Variants in NT5C3B observed in about 807,000 individuals in gnomAD.
NT5C3B encodes the protein 7-methylguanosine phosphate-specific 5'-nucleotidase.
A neutral mutation model predicts 32.5 loss-of-function variants in NT5C3B; 28 were observed. The ratio of observed to expected loss-of-function variants is 0.86; its 90% CI spans 0.64 to 1.18. NT5C3B has a LOEUF of 1.18. Among genes scored for constraint, NT5C3B ranks in the 50% most tolerant of loss-of-function variants. The probability of loss-of-function intolerance (pLI) is 0.00; values close to 1 mark genes in which losing one functional copy is unlikely to be tolerated. For missense variants in NT5C3B, 317 were observed against 322.0 expected, an observed-to-expected ratio of 0.98 and a Z score of 0.12; for synonymous variants, 138 against 118.0, an observed-to-expected ratio of 1.17 and a Z score of -1.10.
intron 4 of NT5C3B, among the ~76,000 whole-genome samples, chr17:41,834,390 A>AT (rs1555619486): frequency 1.2e-4 from 11 of 93,626 alleles, no homozygotes; most frequent in Non-Finnish European, 1.5e-4. Flanking sequence ...TCAAAAAAAA[A>AT]AATACACACA....
chr17:41,835,762 G>A, intron 2 of NT5C3B, 97 bp downstream of exon 2: 1 of 1,222,456 alleles, frequency 8.2e-7, no homozygotes, highest in Non-Finnish European at 1.2e-6. Flanking sequence ...AGAGAGCTAG[G>A]AGGGGTCCGC....
chr17:41,834,087 G>A (rs2048098208), intron 4 of NT5C3B, among the ~76,000 whole-genome samples: 1 of 151,972 alleles, frequency 6.6e-6, no homozygotes, highest in Non-Finnish European at 1.5e-5. Context: ...GTGTTTTTTT[G>A]GAGTGAGAAC....
intron 8 of NT5C3B, among the ~76,000 whole-genome samples, chr17:41,826,155 C>CAAAA (rs1206509838): frequency 7.5e-6 from 1 of 132,658 alleles, no homozygotes. Flanking sequence ...GGCCCTGTCT[C>CAAAA]AAAAAAAAAA....
Position 41,827,616 on chromosome 17 carries a change from T to C in NT5C3B, c.578A>G (p.Gln193Arg). ...YMDFNEDGFL[Q>R]GFKGQLIHTY... ...GTGTATGAGCTGGCCCTTAAATCCC[T>C]GGAGAAAACCCTAAATAATGAAGAC... is the stretch of plus-strand genomic sequence containing the variant. The change falls in exon 8 of 9, where the codon CAG becomes CGG. Residue 193 changes from glutamine (Q) to arginine (R), a missense_variant. Physicochemically the swap from Gln to Arg is conservative, Grantham distance 43. Coordinates refer to ENST00000435506, the MANE Select transcript of NT5C3B (RefSeq NM_052935.5). 1.2e-6 allele frequency: 1 copy of C among 859,448 alleles called. No homozygotes were observed. The highest frequency in any genetic ancestry group is 1.6e-5 in the African/African-American group (1 of 61,286). The allele number at this position is 859,448 out of a possible 1,614,324, so 53.2% of individuals were successfully genotyped here.
intron 7 of NT5C3B, 161 bp downstream of exon 7, chr17:41,828,629 G>T (rs1485516861): frequency 6.2e-6 from 4 of 642,490 alleles, no homozygotes; most frequent in South Asian, 4.4e-5. Context: ...GAGCCACCGC[G>T]CCTGGCCAAA....
chr17:41,834,471 T>C (rs2048109447), intron 4 of NT5C3B, among the ~76,000 whole-genome samples: 1 of 150,708 alleles, frequency 6.6e-6, no homozygotes, highest in African/African-American at 2.4e-5. Context: ...AAAGGCCAGG[T>C]GTGGTAGCTC....
chr17:41,835,949 G>C lies in NT5C3B; in HGVS notation c.21C>G (p.Thr7=). 6.3e-7 allele frequency: 1 copy of C among 1,591,162 alleles called. No individual in the cohort carries two copies. Among genetic ancestry groups the C allele is most frequent in the Admixed American group, 1.8e-5 (1 of 57,006 alleles). The change falls in exon 2 of 9, where the codon ACC becomes ACG. Residue 7 remains threonine (T), a synonymous_variant. Transcript: ENST00000435506. ...GCATCAGGACCGTGGCCTTCATCAG[G>C]GTGCTCACCTGTCCCGAGACCCGAG... MAEEVS[T]LMKATVLMRQ...
At chr17:41,827,306 AAT>A (rs2047983448) in intron 8 of NT5C3B, 118 bp downstream of exon 8, 3 of 455,582 alleles carry the variant, frequency 6.6e-6, no homozygotes, top group African/African-American at 4.1e-5. Flanking sequence ...CTCAAAAAAA[AAT>A]AAAATAAAAT....
chr17:41,835,179 A>G, intron 3 of NT5C3B, 24 bp downstream of exon 3: 1 of 1,613,594 alleles, frequency 6.2e-7, no homozygotes, highest in African/African-American at 1.3e-5. Flanking sequence ...CAAGCTCAAC[A>G]AGGGAAGCTA....
chr17:41,835,190 G>C lies in NT5C3B; in HGVS notation c.181+13C>G. On this transcript the variant is annotated intron_variant, in intron 3 of 8. Transcript: ENST00000435506. Reference sequence around the variant, plus strand: ...TTGTCAAGCTCAACAAGGGAAGCTAGAATGTGACTTACTGTAAGAAGAAGG... The same window carrying C: ...TTGTCAAGCTCAACAAGGGAAGCTACAATGTGACTTACTGTAAGAAGAAGG... 6.2e-7 allele frequency: 1 copy of C among 1,613,784 alleles called. No homozygotes were observed. The highest frequency in any genetic ancestry group is 8.5e-7 in the Non-Finnish European group (1 of 1,179,680).
chr17:41,829,010 C>T, intron 6 of NT5C3B, 58 bp from the exon 7 acceptor site: 4 of 1,518,038 alleles, frequency 2.6e-6, no homozygotes, highest in Non-Finnish European at 3.6e-6. Flanking sequence ...TTCTTTGTTT[C>T]CTATTTGGGT....
chr17:41,836,002 G>GGCCCGAGGGGA, intron 1 of NT5C3B, 45 bp from the exon 2 acceptor site: 1 of 1,490,772 alleles, frequency 6.7e-7, no homozygotes, highest in Non-Finnish European at 9.0e-7. Flanking sequence ...CGCCACGCTG[G>GGCCCGAGGGGA]GCCCGAGGGG....
At chr17:41,836,022 C>T (rs2048149809) in intron 1 of NT5C3B, 65 bp from the exon 2 acceptor site, 2 of 1,454,726 alleles carry the variant, frequency 1.4e-6, no homozygotes, top group Non-Finnish European at 1.8e-6. Flanking sequence ...GAGCCCGGGG[C>T]TCGCTCGGGC....
chr17:41,832,328 T>C (rs1280929357), intron 5 of NT5C3B, 64 bp downstream of exon 5: 31 of 1,381,042 alleles, frequency 2.2e-5, no homozygotes, highest in African/African-American at 2.9e-5. Context: ...TCTGGAAAAA[T>C]ATGCCCCTCC....
chr17:41,830,881 T>C lies in NT5C3B; in HGVS notation c.324A>G (p.Lys108=). The C allele has an allele frequency of 6.2e-7, 1 of 1,602,774 alleles. No individual in the cohort carries two copies. Among genetic ancestry groups the C allele is most frequent in the East Asian group, 2.2e-5 (1 of 44,776 alleles). ...KLPHMVEWWT[K]AHNLLCQQKI... Reference sequence around the variant, plus strand: ...TCTGCTGACATAGGAGATTGTGTGCTTTGGTCCACCTAGAAACAGACACCC... The same window carrying C: ...TCTGCTGACATAGGAGATTGTGTGCCTTGGTCCACCTAGAAACAGACACCC... Residue 108 remains lysine (K), a synonymous_variant, in exon 6 of 9, where the codon AAA becomes AAG. Coordinates refer to ENST00000435506, the MANE Select transcript of NT5C3B (RefSeq NM_052935.5).
Position 41,825,342 on chromosome 17 carries a change from A to G in NT5C3B, c.*181T>C, listed in dbSNP as rs1555617945. On this transcript the variant is annotated 3_prime_UTR_variant, in exon 9 of 9. Coordinates refer to ENST00000435506, the MANE Select transcript of NT5C3B (RefSeq NM_052935.5). ...AGGAACAGTGCCTGTGCCCTGCCAC[A>G]TGGCGGGGTTCCTTCAAGCCTCTGG... is the stretch of plus-strand genomic sequence containing the variant. 5 of 580,890 alleles carry G rather than the reference A, an allele frequency of 8.6e-6. No individual in the cohort carries two copies. Among genetic ancestry groups the G allele is most frequent in the African/African-American group, 5.6e-5 (3 of 53,700 alleles). 36.0% of individuals were successfully genotyped at this position (580,890 alleles called of 1,614,324 possible).
At chr17:41,832,557 A>G in intron 4 of NT5C3B, 80 bp from the exon 5 acceptor site, 1 of 1,304,572 alleles carries the variant, frequency 7.7e-7, no homozygotes, top group Non-Finnish European at 1.1e-6. Context: ...TAGTATGAGA[A>G]AAAAGTCACC....
At position 41,836,197 on chromosome 17, in the gene NT5C3B, G is replaced by A. The variant is rs1211425770; in HGVS notation, c.-4C>T. 4.0e-6 allele frequency: 5 copies of A among 1,249,768 alleles called. No homozygotes were observed. The African/African-American group carries it at 4.7e-5, about 12-fold the overall frequency. The allele number at this position is 1,249,768 out of a possible 1,614,324, so 77.4% of individuals were successfully genotyped here. On this transcript the variant is annotated 5_prime_UTR_variant, in exon 1 of 9. The change creates a new upstream start codon in the 5' untranslated region. Coordinates refer to ENST00000435506, the MANE Select transcript of NT5C3B (RefSeq NM_052935.5). ...CCCTCCTCACCTCCTCTGCCATCCC[G>A]TTCGAGGCCTGGTCGGCGGCTCGCG...
chr17:41,831,319 C>CAA (rs71155172), intron 5 of NT5C3B, among the ~76,000 whole-genome samples: 9,228 of 109,946 alleles, frequency 0.084, 431 homozygotes, highest in Non-Finnish European at 0.12. Flanking sequence ...GACTCCATCT[C>CAA]AAAAAAAAAA....
Sources: gnomAD v4.1 joint callset for allele counts (sites outside exome capture counted in the v4.1 genomes callset) on GRCh38, gnomAD v4.1.1 for gene constraint, MANE v1.5 for transcripts, NCBI Gene and HGNC (gene_info 2026-07-23, HGNC 2026-07-21) for gene names.